Variants in VMP1 observed in about 807,000 individuals in gnomAD.
VMP1 encodes the protein vacuole membrane protein 1, also known as ectopic P-granules autophagy protein 3 homolog.
Under a neutral mutation model 56.0 loss-of-function variants are expected in VMP1, and 11 were observed. The observed-to-expected ratio is 0.20, with a 90% CI of 0.12 to 0.32. The LOEUF (loss-of-function observed/expected upper bound fraction) is 0.32, where lower values mean the gene tolerates loss of function less well. Ranked by LOEUF, VMP1 falls within the 10% of genes least tolerant of loss-of-function variation. The probability of loss-of-function intolerance (pLI) is 1.00; values close to 1 mark genes in which losing one functional copy is unlikely to be tolerated. For synonymous variants in VMP1, 149 were observed against 165.0 expected (o/e 0.90, Z 0.74); for missense variants, 296 against 490.3 (o/e 0.60, Z 3.74).
chr17:59,755,865 A>G (rs1293879563), intron 5 of VMP1, among the ~76,000 whole-genome samples: 1 of 151,884 alleles, frequency 6.6e-6, no homozygotes, highest in Non-Finnish European at 1.5e-5. Context: ...CAGCCTCCCA[A>G]GTAGCTGGGA....
At chr17:59,749,074 C>T (rs2035543222) in intron 5 of VMP1, among the ~76,000 whole-genome samples, 2 of 150,868 alleles carry the variant, frequency 1.3e-5, no homozygotes, top group South Asian at 4.2e-4. Flanking sequence ...CTCAGCCTCC[C>T]CAGTAGCTGG....
chr17:59,751,811 T>C (rs969108055), intron 5 of VMP1, among the ~76,000 whole-genome samples: 1 of 151,948 alleles, frequency 6.6e-6, no homozygotes, highest in Non-Finnish European at 1.5e-5. Context: ...TTTTTCATTT[T>C]CTTTTATCTT....
chr17:59,824,436 G>T (rs1392289469), intron 10 of VMP1, among the ~76,000 whole-genome samples: 2 of 151,084 alleles, frequency 1.3e-5, no homozygotes, highest in African/African-American at 2.4e-5. Flanking sequence ...AGCCGGGCGT[G>T]GGGGTGGGCG....
At chr17:59,747,560 C>A (rs1279398351) in intron 5 of VMP1, among the ~76,000 whole-genome samples, 1 of 151,590 alleles carries the variant, frequency 6.6e-6, no homozygotes, top group African/African-American at 2.4e-5. Context: ...CAGTCGCGTG[C>A]CACTACCGCC....
At chr17:59,783,089 C>T (rs568872567) in intron 7 of VMP1, among the ~76,000 whole-genome samples, 48 of 152,030 alleles carry the variant, frequency 3.2e-4, no homozygotes, top group African/African-American at 1.1e-3. Flanking sequence ...CCAGCTACTC[C>T]GGAGGCTGAG....
intron 6 of VMP1, among the ~76,000 whole-genome samples, chr17:59,770,421 C>G (rs1412258305): frequency 6.6e-6 from 1 of 152,072 alleles, no homozygotes; most frequent in African/African-American, 2.4e-5. Context: ...TTCTCATTCT[C>G]TTCTCAATTA....
intron 5 of VMP1, among the ~76,000 whole-genome samples, chr17:59,763,503 TAATA>T (rs2036130986): frequency 6.6e-6 from 1 of 152,130 alleles, no homozygotes; most frequent in African/African-American, 2.4e-5. Flanking sequence ...CAGAAAAAAC[TAATA>T]ATTAACTGAT....
chr17:59,823,602 A>T (rs2038530706), intron 10 of VMP1, among the ~76,000 whole-genome samples: 1 of 151,654 alleles, frequency 6.6e-6, no homozygotes, highest in African/African-American at 2.4e-5. Flanking sequence ...ACAAAAAAAA[A>T]TTAGCCGGGT....
chr17:59,733,963 A>G (rs1190408740), intron 2 of VMP1, among the ~76,000 whole-genome samples: 1 of 152,198 alleles, frequency 6.6e-6, no homozygotes, highest in Non-Finnish European at 1.5e-5. Context: ...GATTGGAACC[A>G]ACTAGTTTGC....
chr17:59,802,927 G>A (rs1568177008), intron 7 of VMP1, among the ~76,000 whole-genome samples: 1 of 152,028 alleles, frequency 6.6e-6, no homozygotes, highest in Non-Finnish European at 1.5e-5. Context: ...TGTATTTTTA[G>A]TAGAGATGAC....
chr17:59,781,497 AATT>A (rs1463318656), intron 7 of VMP1, among the ~76,000 whole-genome samples: 1 of 152,110 alleles, frequency 6.6e-6, no homozygotes, highest in Non-Finnish European at 1.5e-5. Flanking sequence ...GTTATTATAA[AATT>A]ATTTTTTATT....
intron 7 of VMP1, among the ~76,000 whole-genome samples, chr17:59,807,191 G>T (rs796898750): frequency 9.3e-4 from 133 of 142,756 alleles, no homozygotes; most frequent in South Asian, 2.8e-3. Flanking sequence ...CTTCTTTTTT[G>T]TTTTTTTGTT....
intron 7 of VMP1, among the ~76,000 whole-genome samples, chr17:59,803,047 C>G (rs1295303552): frequency 2.6e-5 from 4 of 152,056 alleles, no homozygotes; most frequent in Non-Finnish European, 4.4e-5. Flanking sequence ...ATATGGCCTT[C>G]TGTTGCTTTT....
Position 59,765,126 on chromosome 17 carries a change from A to G in VMP1, c.570A>G (p.Glu190=). The G allele has an allele frequency of 6.2e-7, 1 of 1,613,552 alleles. No individual in the cohort carries two copies. Residue 190 remains glutamate, a synonymous_variant, in exon 6 of 12, where the codon GAA becomes GAG. Transcript: ENST00000262291. The part of the protein sequence containing the change: ...LWSIISKVRI[E]ACMWGIGTAI... Reference sequence around the variant, plus strand: ...GTATCATCTCAAAAGTTAGGATTGAAGCCTGCATGTGGGTAAGATATGCAT... The same window carrying G: ...GTATCATCTCAAAAGTTAGGATTGAGGCCTGCATGTGGGTAAGATATGCAT...
chr17:59,809,545 C>A (rs1248265396), intron 8 of VMP1, among the ~76,000 whole-genome samples: 1 of 107,310 alleles, frequency 9.3e-6, no homozygotes, highest in Non-Finnish European at 1.7e-5. Flanking sequence ...CTCGCTCTGT[C>A]GCCCAGGCGG....
At chr17:59,823,765 G>C (rs913463584) in intron 10 of VMP1, among the ~76,000 whole-genome samples, 1 of 150,996 alleles carries the variant, frequency 6.6e-6, no homozygotes, top group South Asian at 2.1e-4. Flanking sequence ...AAAAAAAATC[G>C]CTGAATGGTA....
intron 5 of VMP1, among the ~76,000 whole-genome samples, chr17:59,744,642 AAGAG>A (rs1389702237): frequency 9.8e-4 from 149 of 151,432 alleles, no homozygotes; most frequent in African/African-American, 2.8e-3. Flanking sequence ...AAAAAAAAAA[AAGAG>A]AGAGACAGAA....
At chr17:59,714,971 T>C (rs1186852989) in intron 1 of VMP1, among the ~76,000 whole-genome samples, 1 of 152,222 alleles carries the variant, frequency 6.6e-6, no homozygotes, top group Non-Finnish European at 1.5e-5. Flanking sequence ...CATGAACCGC[T>C]GTGCCTGGCC....
At position 59,711,103 on chromosome 17, in the gene VMP1, G is replaced by A. The variant is rs1351126094; in HGVS notation, c.-27+3355G>A. On this transcript the variant is annotated intron_variant, in intron 1 of 11. Coordinates refer to ENST00000262291, the MANE Select transcript of VMP1 (RefSeq NM_030938.5). ...AAAAAGAGAAGAAAATAAAAGAAAA[G>A]CAGTAGGAGAGAACTGTATTATTTG... 2.7e-5 allele frequency among the ~76,000 whole-genome samples: 4 copies of A among 149,894 alleles called. No individual in the cohort carries two copies. In the East Asian group the frequency reaches 7.9e-4, roughly 29 times the overall value.
Sources: gnomAD v4.1 joint callset for allele counts (sites outside exome capture counted in the v4.1 genomes callset) on GRCh38, gnomAD v4.1.1 for gene constraint, MANE v1.5 for transcripts, NCBI Gene and HGNC (gene_info 2026-07-23, HGNC 2026-07-21) for gene names.